The following DACT2 variants were observed in gnomAD, a reference collection of about 807,000 sequenced individuals.
DACT2 encodes the protein dapper homolog 2.
A neutral mutation model predicts 22.2 loss-of-function variants in DACT2; 20 were observed. That is an observed-to-expected ratio of 0.90 (90% CI 0.63 to 1.31). The LOEUF is 1.31. Among genes scored for constraint, DACT2 ranks in the 50% most tolerant of loss-of-function variants. DACT2 has a pLI of 0.00. For synonymous variants in DACT2, 463 were observed against 479.8 expected, an observed-to-expected ratio of 0.96 and a Z score of 0.46; for missense variants, 1,048 against 1,061.4, an observed-to-expected ratio of 0.99 and a Z score of 0.18.
At chr6:168,315,808 G>T (rs931123134) in intron 1 of DACT2, among the ~76,000 whole-genome samples, 3 of 152,280 alleles carry the variant, frequency 2.0e-5, no homozygotes, top group African/African-American at 7.2e-5. Flanking sequence ...ATGACCAATG[G>T]ACAGGTGAGC....
chr6:168,303,169 C>T (rs762685433), downstream of DACT2, among the ~76,000 whole-genome samples: 40 of 152,118 alleles, frequency 2.6e-4, no homozygotes, highest in Admixed American at 2.0e-3. Context: ...AGATGCGCTC[C>T]CGTTTTCCAT....
At chr6:168,294,690 G>T in exon 4 of DACT2, 1 of 1,500,712 alleles carries the variant, frequency 6.7e-7, no homozygotes, top group African/African-American at 1.4e-5. Flanking sequence ...AGTTCACCTG[G>T]AGCATTGCAC....
chr6:168,294,444 C>T (rs898438964), intron 4 of DACT2, among the ~76,000 whole-genome samples: 2 of 143,940 alleles, frequency 1.4e-5, no homozygotes, highest in African/African-American at 5.3e-5. Flanking sequence ...TAAGAACATC[C>T]TTCCCCTGAT....
intron 1 of DACT2, among the ~76,000 whole-genome samples, chr6:168,314,022 C>T (rs1779487998): frequency 7.4e-6 from 1 of 134,844 alleles, no homozygotes; most frequent in African/African-American, 2.8e-5. Flanking sequence ...GCGCTTGTAA[C>T]CCCGACCGCT....
chr6:168,300,871 A>C (rs908296286), intron 3 of DACT2, among the ~76,000 whole-genome samples: 2 of 152,178 alleles, frequency 1.3e-5, no homozygotes, highest in Admixed American at 6.5e-5. Flanking sequence ...CTGTAGTCCC[A>C]GCTACTTGGG....
At chr6:168,306,784 G>A, downstream of DACT2, 1 of 713,130 alleles carries the variant, frequency 1.4e-6, no homozygotes, top group Non-Finnish European at 1.7e-6. Context: ...CCAGAGTTTA[G>A]TCTCTACTCA....
chr6:168,318,273 T>C (rs2114921235), intron 1 of DACT2, among the ~76,000 whole-genome samples: 1 of 152,294 alleles, frequency 6.6e-6, no homozygotes, highest in South Asian at 2.1e-4. Context: ...AGGGGCAGAG[T>C]TGGGGGCCCA....
Position 168,308,554 on chromosome 6 carries a change from GCCCCTGCCGGCA to G in DACT2, c.1191_1202del (p.Ala398_Gly401del). On this transcript the variant is annotated inframe_deletion, in exon 4 of 4. Transcript: ENST00000366795. ...GCATGTATCCCTGCTGCTGGGGCCC[GCCCCTGCCGGCA>G]CCCCTGCTCTGAGCTGGCCCTCCCT... 6.5e-7 allele frequency: 1 copy of G among 1,549,318 alleles called. No homozygotes were observed. Among genetic ancestry groups the G allele is most frequent in the South Asian group, 1.2e-5 (1 of 84,026 alleles).
rs1372609677 is a variant in DACT2 at position 168,308,777 on chromosome 6, G to A, written c.980C>T (p.Pro327Leu). 38 of 1,551,376 alleles carry A rather than the reference G, an allele frequency of 2.4e-5. No homozygotes were observed. Among genetic ancestry groups the A allele is most frequent in the Admixed American group, 7.8e-5 (4 of 51,006 alleles). Residue 327 changes from proline (P) to leucine (L), a missense_variant, in exon 4 of 4, where the codon CCG (proline) becomes CTG (leucine). Transcript: ENST00000366795. ...IQTGPVLEAG[P>L]ARARAYIDRL... is the part of the protein sequence containing the mutation. ...GTCGATATAAGCTCTGGCCCTGGCC[G>A]GGCCAGCCTCGAGGACCGGCCCAGT...
chr6:168,307,590 C>T lies in DACT2; in HGVS notation c.2167G>A (p.Gly723Arg), dbSNP rs191740169. ...CDLALGYVAA[G>R]HAELAWTQEA... ...TGGGTCCAGGCCAGCTCCGCATGCC[C>T]GGCCGCCACATAGCCCAGTGCCAGG... The change falls in exon 4 of 4, where the codon GGG (glycine) becomes AGG (arginine). Residue 723 changes from glycine (G) to arginine (R), a missense_variant. Coordinates refer to ENST00000366795, the MANE Select transcript of DACT2 (RefSeq NM_214462.5). This position sits in a 1 kb window ranked among gnomAD's most constrained non-coding sequence, Gnocchi z 5.3. The T allele has an allele frequency of 1.0e-4, 155 of 1,549,640 alleles. No homozygotes were observed. Among genetic ancestry groups the T allele is most frequent in the Middle Eastern group, 6.7e-4 (4 of 5,976 alleles).
chr6:168,307,998 C>A lies in DACT2; in HGVS notation c.1759G>T (p.Ala587Ser), dbSNP rs868455901. The A allele has an allele frequency of 1.3e-6, 2 of 1,550,830 alleles. No homozygotes were observed. The highest frequency in any genetic ancestry group is 2.0e-5 in the Admixed American group (1 of 50,948). Residue 587 changes from alanine (A) to serine (S), a missense_variant, in exon 4 of 4, where the codon GCC becomes TCC. By Grantham distance (99) the Ala-to-Ser change is moderately conservative. Coordinates refer to ENST00000366795, the MANE Select transcript of DACT2 (RefSeq NM_214462.5). The surrounding 1 kb of genome is among the most constrained non-coding windows in gnomAD (Gnocchi z 5.3). ...GCCTCAAAGGGGAACAGGGCTTGGG[C>A]TGAGGTCCGGTGGCTCTCCTGCGGG... is the stretch of plus-strand genomic sequence containing the variant. The part of the protein sequence containing the change: ...VAPQESHRTS[A>S]QALFPFEASL...
rs1268883288 is a variant in DACT2 at position 168,319,375 on chromosome 6, G to GC, written c.246+12dup. ...ACACCTCGCAGCCCCGAGTCCCGGC[G>GC]CCCGGTCCTTACCAGCTGCTCCTGC... On this transcript the variant is annotated intron_variant, in intron 1 of 3. Coordinates refer to ENST00000366795, the MANE Select transcript of DACT2 (RefSeq NM_214462.5). 8.3e-7 allele frequency: 1 copy of GC among 1,198,368 alleles called. No homozygotes were observed. Among genetic ancestry groups the GC allele is most frequent in the Non-Finnish European group, 1.0e-6 (1 of 966,646 alleles). The allele number at this position is 1,198,368 out of a possible 1,614,324, so 74.2% of individuals were successfully genotyped here. A position where few individuals can be genotyped will look rare whatever the true frequency, so the allele number is the denominator to read the frequency against.
At chr6:168,301,339 G>C (rs1406036423) in intron 3 of DACT2, among the ~76,000 whole-genome samples, 8 of 152,188 alleles carry the variant, frequency 5.3e-5, no homozygotes, top group Admixed American at 5.2e-4. Context: ...CTCTGCTTCT[G>C]AGGAACCGAA....
At chr6:168,310,576 T>G in intron 2 of DACT2, 130 bp from the exon 3 acceptor site, 1 of 1,268,170 alleles carries the variant, frequency 7.9e-7, no homozygotes, top group Non-Finnish European at 1.1e-6. Flanking sequence ...GGAGGCTGTG[T>G]GCCATCGTCC....
chr6:168,294,569 GTGTGTGTGTATATATATA>G, intron 4 of DACT2: 1 of 507,126 alleles, frequency 2.0e-6, no homozygotes, highest in Non-Finnish European at 2.7e-6. Flanking sequence ...GTATGTGTGT[GTGTGTGTGTATATATATA>G]TATATATATA....
downstream of DACT2, among the ~76,000 whole-genome samples, chr6:168,306,743 C>T (rs1779216702): frequency 6.6e-6 from 1 of 152,172 alleles, no homozygotes. Context: ...AGCCACCACG[C>T]CCGGCCTATG....
chr6:168,307,679 C>G lies in DACT2; in HGVS notation c.2078G>C (p.Arg693Pro). Residue 693 changes from arginine (R) to proline (P), a missense_variant, in exon 4 of 4, where the codon CGA becomes CCA. Arg to Pro is a moderately radical substitution (Grantham distance 103). Transcript: ENST00000366795. This position sits in a 1 kb window ranked among gnomAD's most constrained non-coding sequence, Gnocchi z 5.3. ...EGESSDHTTN[R>P]FGDRESSSSD... ...GCTGCTGGACTCACGGTCTCCGAAT[C>G]GGTTGGTGGTGTGGTCACTGGACTC... is the stretch of plus-strand genomic sequence containing the variant. 6.5e-7 allele frequency: 1 copy of G among 1,549,716 alleles called. No individual in the cohort carries two copies. The highest frequency in any genetic ancestry group is 1.4e-5 in the African/African-American group (1 of 73,138).
intron 1 of DACT2, among the ~76,000 whole-genome samples, chr6:168,318,148 G>A (rs146976453): frequency 1.3e-4 from 20 of 149,786 alleles, no homozygotes; most frequent in East Asian, 1.0e-3. Flanking sequence ...GTCACACAGA[G>A]GCTGCGATTG....
chr6:168,297,630 T>C (rs913881036), intron 3 of DACT2, among the ~76,000 whole-genome samples: 2 of 152,220 alleles, frequency 1.3e-5, no homozygotes, highest in Admixed American at 6.5e-5. Flanking sequence ...AAATTTGCTG[T>C]GTTTTAAGCC....
Sources: allele counts gnomAD v4.1 joint callset (sites outside exome capture counted in the v4.1 genomes callset), GRCh38; gene constraint gnomAD v4.1.1; non-coding constraint Gnocchi (gnomAD v3.1); transcripts MANE v1.5; gene names NCBI Gene and HGNC (gene_info 2026-07-23, HGNC 2026-07-21).